TULP4: variants seen among roughly 807,000 people sequenced by gnomAD.
TULP4 encodes tubby-related protein 4.
Under a neutral mutation model 129.0 loss-of-function variants are expected in TULP4, and 16 were observed. That is an observed-to-expected ratio of 0.12 (90% CI 0.08 to 0.19). The LOEUF is 0.19. Ranked by LOEUF, TULP4 falls within the 10% of genes least tolerant of loss-of-function variation. TULP4 has a pLI of 1.00. For missense variants in TULP4, 1,842 were observed against 2,059.1 expected (o/e 0.89, Z 2.04); for synonymous variants, 998 against 854.0 (o/e 1.17, Z -2.94).
In TULP4 at chr6:158,502,163, C is replaced by G; in HGVS notation, c.2500C>G (p.Pro834Ala). ...GGTCCAGGTGACGAAGATAAACCCT[C>G]CACCCCCGTACCCAGGAACCATCCC... The part of the protein sequence containing the change: ...QEVQVTKINP[P>A]PPYPGTIPAA... The change falls in exon 13 of 14, where the codon CCA becomes GCA. Residue 834 changes from proline (P) to alanine (A), a missense_variant. This residue lies in a region of TULP4 where 1,089 missense variants were observed against 987.1 expected (regional missense o/e 1.10). Coordinates refer to ENST00000367097, the MANE Select transcript of TULP4 (RefSeq NM_020245.5). 1 of 1,578,924 alleles carries G rather than the reference C, an allele frequency of 6.3e-7. No individual in the cohort carries two copies.
intron 5 of TULP4, among the ~76,000 whole-genome samples, chr6:158,456,833 CAAA>C (rs11354887): frequency 4.0e-5 from 5 of 126,036 alleles, no homozygotes; most frequent in African/African-American, 2.9e-5. Flanking sequence ...GACTCCATCT[CAAA>C]AAAAAAAAAA....
intron 1 of TULP4, among the ~76,000 whole-genome samples, chr6:158,368,644 CA>C (rs1321008334): frequency 1.3e-5 from 2 of 152,188 alleles, no homozygotes; most frequent in Non-Finnish European, 2.9e-5. Flanking sequence ...CAGTTTTCTG[CA>C]CACAGAGCCT....
intron 1 of TULP4, among the ~76,000 whole-genome samples, chr6:158,246,023 G>GGGGGGGGTGTGTGTGT (rs113914160): frequency 6.9e-6 from 1 of 145,822 alleles, no homozygotes; most frequent in South Asian, 2.2e-4. Context: ...ACCCCTTAGG[G>GGGGGGGGTGTGTGTGT]GTGTGTGTGT....
chr6:158,329,710 C>T (rs1182613308), intron 1 of TULP4, among the ~76,000 whole-genome samples: 3 of 151,994 alleles, frequency 2.0e-5, no homozygotes, highest in South Asian at 2.1e-4. Flanking sequence ...TCAGGAAATT[C>T]GCTACAGATG....
intron 1 of TULP4, among the ~76,000 whole-genome samples, chr6:158,336,548 A>G (rs1780038542): frequency 6.6e-6 from 1 of 152,204 alleles, no homozygotes; most frequent in East Asian, 1.9e-4. Context: ...TAGCTTAGAA[A>G]AAGACTCAGA....
At chr6:158,346,519 T>C (rs1320586964) in intron 1 of TULP4, among the ~76,000 whole-genome samples, 1 of 152,238 alleles carries the variant, frequency 6.6e-6, no homozygotes, top group East Asian at 1.9e-4. Context: ...ATCTTTGCTT[T>C]ATTATAGTGA....
At chr6:158,312,134 G>C (rs1779369462), upstream of TULP4, 1 of 398,128 alleles carries the variant, frequency 2.5e-6, no homozygotes, top group Admixed American at 4.4e-5. Flanking sequence ...TCGTATGGCA[G>C]TTGAAGAGTG....
At chr6:158,462,585 G>T (rs1481174865) in intron 6 of TULP4, among the ~76,000 whole-genome samples, 2 of 151,100 alleles carry the variant, frequency 1.3e-5, no homozygotes, top group African/African-American at 2.4e-5. Context: ...ATGTTAGCCA[G>T]GATGGTCTCG....
chr6:158,393,678 G>A (rs1777641990), intron 1 of TULP4, among the ~76,000 whole-genome samples: 1 of 152,188 alleles, frequency 6.6e-6, no homozygotes, highest in South Asian at 2.1e-4. Flanking sequence ...GCTACAACTG[G>A]AGCTAGAGCG....
At chr6:158,418,398 A>ACTTT (rs1384191451) in intron 2 of TULP4, among the ~76,000 whole-genome samples, 81 of 121,100 alleles carry the variant, frequency 6.7e-4, no homozygotes, top group Non-Finnish European at 1.0e-3. Context: ...ATGAGCCACC[A>ACTTT]CTTTTTTTTT....
intron 1 of TULP4, among the ~76,000 whole-genome samples, chr6:158,381,067 T>A (rs1247260441): frequency 6.6e-6 from 1 of 150,786 alleles, no homozygotes; most frequent in African/African-American, 2.4e-5. Flanking sequence ...TTCCTGAAGG[T>A]GGGTGGGTTG....
chr6:158,502,618 T>C lies in TULP4; in HGVS notation c.2955T>C (p.Ala985=), dbSNP rs774316787. The change falls in exon 13 of 14, where the codon GCT becomes GCC. Residue 985 remains alanine (A), a synonymous_variant. Transcript: ENST00000367097. The part of the protein sequence containing the change: ...AQRSDNSLIH[A]TLRRNNREAT... ...GGTCCGACAATAGCCTCATCCACGC[T>C]ACCCTGCGGAGGAACAACCGTGAGG... 5.6e-6 allele frequency: 9 copies of C among 1,597,428 alleles called. No homozygotes were observed. The East Asian group carries it at 1.1e-4, about 20-fold the overall frequency.
intron 1 of TULP4, among the ~76,000 whole-genome samples, chr6:158,300,160 C>A (rs931973731): frequency 6.6e-6 from 1 of 152,168 alleles, no homozygotes; most frequent in Non-Finnish European, 1.5e-5. Context: ...TGTCAGTATT[C>A]ACACGAAGTT....
intron 3 of TULP4, among the ~76,000 whole-genome samples, chr6:158,431,869 A>G (rs1041953198): frequency 1.4e-4 from 22 of 152,092 alleles, no homozygotes; most frequent in Non-Finnish European, 3.2e-4. Flanking sequence ...GTGAGGAAAG[A>G]GCTGATGTGG....
chr6:158,241,602 GT>G (rs529922763), intron 1 of TULP4, among the ~76,000 whole-genome samples: 2 of 147,340 alleles, frequency 1.4e-5, no homozygotes, highest in Non-Finnish European at 3.0e-5. Context: ...GCGTGAAATT[GT>G]TTTTTTTTTG....
chr6:158,414,511 C>G (rs1420150664), intron 2 of TULP4, among the ~76,000 whole-genome samples: 2 of 152,244 alleles, frequency 1.3e-5, no homozygotes, highest in African/African-American at 2.4e-5. Context: ...TGTGGAGGTT[C>G]TACCACCTTG....
chr6:158,314,121 G>T lies in TULP4; in HGVS notation c.105G>T (p.Val35=), dbSNP rs1467421398. 6.2e-7 allele frequency: 1 copy of T among 1,614,104 alleles called. No homozygotes were observed. Among genetic ancestry groups the T allele is most frequent in the African/African-American group, 1.3e-5 (1 of 74,932 alleles). Residue 35 remains valine (V), a synonymous_variant, in exon 1 of 14, where the codon GTG becomes GTT. Coordinates refer to ENST00000367097, the MANE Select transcript of TULP4 (RefSeq NM_020245.5). ...RVPKSEKEKP[V]CRRRYYEEGW... ...CCAAGAGTGAGAAGGAGAAGCCTGT[G>T]TGCAGGAGACGCTACTATGAGGAAG...
intron 1 of TULP4, among the ~76,000 whole-genome samples, chr6:158,256,286 T>C (rs1778242415): frequency 1.3e-5 from 2 of 152,180 alleles, no homozygotes; most frequent in East Asian, 3.9e-4. Flanking sequence ...AGTGCGTGCA[T>C]GTGTGTATGT....
At chr6:158,379,254 G>A (rs4709199) in intron 1 of TULP4, among the ~76,000 whole-genome samples, 4,837 of 152,344 alleles carry the variant, frequency 0.032, 275 homozygotes, top group Admixed American at 0.16. Flanking sequence ...TACTGAGGTA[G>A]TTCTCCTCAT....
Sources: gnomAD v4.1 joint callset for allele counts (sites outside exome capture counted in the v4.1 genomes callset) on GRCh38, gnomAD v4.1.1 for gene constraint, gnomAD v4.1.1 regional missense constraint, MANE v1.5 for transcripts, NCBI Gene and HGNC (gene_info 2026-07-23, HGNC 2026-07-21) for gene names.